Variants in NHSL1 observed in about 807,000 individuals in gnomAD.
NHSL1 encodes the protein NHS like 1.
NHSL1 carries 48 observed loss-of-function variants against 95.0 expected under a neutral mutation model. That is an observed-to-expected ratio of 0.51 (90% CI 0.40 to 0.64). The LOEUF (loss-of-function observed/expected upper bound fraction) is 0.64, where lower values mean the gene tolerates loss of function less well. NHSL1 is among the 30% of genes least tolerant of loss of function. NHSL1 has a pLI of 0.00. For missense variants in NHSL1, 1,971 were observed against 2,077.7 expected (o/e 0.95, Z 1.00); for synonymous variants, 783 against 833.9 (o/e 0.94, Z 1.05).
At chr6:138,534,565 C>A (rs1056858979) in intron 1 of NHSL1, among the ~76,000 whole-genome samples, 14 of 152,186 alleles carry the variant, frequency 9.2e-5, no homozygotes, top group African/African-American at 2.9e-4. Context: ...TAAAAACTAA[C>A]CTGCTCCAAC....
upstream of NHSL1, among the ~76,000 whole-genome samples, chr6:138,547,844 T>C (rs1782860700): frequency 6.6e-6 from 1 of 152,260 alleles, no homozygotes; most frequent in Non-Finnish European, 1.5e-5. Context: ...TGATCTGAGT[T>C]ATTCTCTGTC....
upstream of NHSL1, among the ~76,000 whole-genome samples, chr6:138,549,090 G>C (rs1782909068): frequency 6.6e-6 from 1 of 152,112 alleles, no homozygotes; most frequent in Non-Finnish European, 1.5e-5. Context: ...GTCCTAATAA[G>C]AGAGAAAATG....
chr6:138,600,124 A>G (rs1181981650), intron 1 of NHSL1, among the ~76,000 whole-genome samples: 1 of 152,144 alleles, frequency 6.6e-6, no homozygotes, highest in East Asian at 1.9e-4. Flanking sequence ...AGCCTGGGCA[A>G]CAGAGCAAGA....
In NHSL1 at chr6:138,489,870, G is replaced by A. The variant is rs1386357563; in HGVS notation, c.211+6349C>T. On this transcript the variant is annotated intron_variant, in intron 2 of 7. Transcript: ENST00000343505. Reference sequence around the variant, plus strand: ...GGAGAGAGGGAGAGAGAGAGAGAGAGAGGGAGAGAGGGAGAGAGGGAGAGA... The same window carrying A: ...GGAGAGAGGGAGAGAGAGAGAGAGAAAGGGAGAGAGGGAGAGAGGGAGAGA... Among the ~76,000 whole-genome samples, 128 of 75,572 alleles carry A rather than the reference G, an allele frequency of 1.7e-3. 1 individual carries two copies. Among genetic ancestry groups the A allele is most frequent in the Non-Finnish European group, 2.7e-3 (102 of 38,248 alleles). 49.6% of individuals were successfully genotyped at this position (75,572 alleles called of 152,430 possible). A position where few individuals can be genotyped will look rare whatever the true frequency, so the allele number is the denominator to read the frequency against.
At chr6:138,580,379 A>T (rs73774841) in intron 1 of NHSL1, among the ~76,000 whole-genome samples, 13,107 of 152,244 alleles carry the variant, frequency 0.086, 602 homozygotes, top group Middle Eastern at 0.13. Flanking sequence ...AGTAGGCCTG[A>T]GTCAAGCCTC....
At chr6:138,689,363 G>A (rs1432475430) in intron 1 of NHSL1, among the ~76,000 whole-genome samples, 1 of 152,084 alleles carries the variant, frequency 6.6e-6, no homozygotes, top group Admixed American at 6.6e-5. Context: ...AGTCTTCAAT[G>A]AACAGAATAA....
At chr6:138,604,198 G>C (rs1314021792) in intron 1 of NHSL1, among the ~76,000 whole-genome samples, 10 of 152,000 alleles carry the variant, frequency 6.6e-5, no homozygotes, top group Non-Finnish European at 1.2e-4. Context: ...TTTCCCATCA[G>C]TCAACTAAAA....
chr6:138,451,443 A>G (rs1777235389), intron 3 of NHSL1, among the ~76,000 whole-genome samples: 1 of 152,144 alleles, frequency 6.6e-6, no homozygotes, highest in South Asian at 2.1e-4. Flanking sequence ...TCTTTAGTAC[A>G]TATAACTAGT....
At chr6:138,668,956 C>T (rs999706007) in intron 1 of NHSL1, among the ~76,000 whole-genome samples, 1 of 152,106 alleles carries the variant, frequency 6.6e-6, no homozygotes, top group Non-Finnish European at 1.5e-5. Context: ...TGGTTGGATA[C>T]ACGATGGAGG....
At chr6:138,618,137 A>C (rs777786153) in intron 1 of NHSL1, among the ~76,000 whole-genome samples, 10 of 152,344 alleles carry the variant, frequency 6.6e-5, no homozygotes, top group Admixed American at 2.0e-4. Context: ...TGCAGGGAAA[A>C]AGGATGCAAA....
chr6:138,585,592 T>G (rs1784122954), intron 1 of NHSL1, among the ~76,000 whole-genome samples: 2 of 152,124 alleles, frequency 1.3e-5, no homozygotes, highest in South Asian at 4.1e-4. Flanking sequence ...TCTCTCTCTC[T>G]TATGTTCCAT....
intron 1 of NHSL1, among the ~76,000 whole-genome samples, chr6:138,643,000 TTTA>T (rs1176847411): frequency 6.6e-6 from 1 of 152,216 alleles, no homozygotes; most frequent in Non-Finnish European, 1.5e-5. Flanking sequence ...AGGCTGGTGT[TTTA>T]AGCTTACCTA....
intron 1 of NHSL1, among the ~76,000 whole-genome samples, chr6:138,512,893 C>T (rs117428110): frequency 2.6e-5 from 4 of 152,196 alleles, no homozygotes; most frequent in Admixed American, 1.3e-4. Context: ...GGGTTTTCCC[C>T]GGTGTTACCT....
chr6:138,660,645 A>G (rs1028863429), intron 1 of NHSL1, among the ~76,000 whole-genome samples: 21 of 150,666 alleles, frequency 1.4e-4, no homozygotes, highest in African/African-American at 5.1e-4. Flanking sequence ...CGTCTCAAAA[A>G]AAAAAAGAAA....
chr6:138,598,473 T>C (rs1180293788), intron 1 of NHSL1, among the ~76,000 whole-genome samples: 1 of 131,878 alleles, frequency 7.6e-6, no homozygotes, highest in Non-Finnish European at 1.6e-5. Context: ...AAAAAAAAAA[T>C]AGCCAGATGT....
At chr6:138,570,063 C>T (rs1230884099) in intron 1 of NHSL1, among the ~76,000 whole-genome samples, 1 of 152,236 alleles carries the variant, frequency 6.6e-6, no homozygotes, top group African/African-American at 2.4e-5. Context: ...CCACAAGTCA[C>T]ATGTACAGTA....
rs1168639491 is a variant in NHSL1, at chr6:138,441,965, A to G, written c.664+18T>C. The G allele has an allele frequency of 1.3e-6, 2 of 1,542,296 alleles. No homozygotes were observed. Among genetic ancestry groups the G allele is most frequent in the East Asian group, 2.5e-5 (1 of 40,490 alleles). On this transcript the variant is annotated intron_variant, in intron 5 of 7. Coordinates refer to ENST00000343505, the MANE Select transcript of NHSL1 (RefSeq NM_001144060.2). ...GCAGCAGTGAAGGGCAACAGAATAC[A>G]GTTCTGATGAGCCATACCTAGCTCC...
intron 1 of NHSL1, among the ~76,000 whole-genome samples, chr6:138,568,310 C>T (rs1331348438): frequency 6.6e-6 from 1 of 152,182 alleles, no homozygotes; most frequent in Non-Finnish European, 1.5e-5. Context: ...GCATGAACTC[C>T]ATGACTTCAG....
At chr6:138,604,617 T>C (rs1784410573) in intron 1 of NHSL1, among the ~76,000 whole-genome samples, 1 of 152,228 alleles carries the variant, frequency 6.6e-6, no homozygotes, top group Non-Finnish European at 1.5e-5. Flanking sequence ...ATTTGCACTA[T>C]GATTTATTTA....
Sources: gnomAD v4.1 joint callset for allele counts (sites outside exome capture counted in the v4.1 genomes callset) on GRCh38, gnomAD v4.1.1 for gene constraint, MANE v1.5 for transcripts, NCBI Gene and HGNC (gene_info 2026-07-23, HGNC 2026-07-21) for gene names.